DNAH11: variants seen among roughly 807,000 people sequenced by gnomAD.
DNAH11 encodes the protein dynein axonemal heavy chain 11, also known as axonemal beta dynein heavy chain 11.
DNAH11 carries 442 observed loss-of-function variants against 526.0 expected under a neutral mutation model. That is an observed-to-expected ratio of 0.84 (90% CI 0.78 to 0.91). DNAH11 has a LOEUF of 0.91. DNAH11 is among the 40% of genes least tolerant of loss of function. The pLI, the probability that DNAH11 is intolerant of heterozygous loss-of-function variation, is 0.00. For synonymous variants in DNAH11, 2,461 were observed against 1,935.9 expected, an observed-to-expected ratio of 1.27 and a Z score of -7.12; for missense variants, 6,989 against 5,448.7, an observed-to-expected ratio of 1.28 and a Z score of -8.90.
In DNAH11 at chr7:21,588,077, T is replaced by G; in HGVS notation, c.1724T>G (p.Phe575Cys). 1 of 1,613,174 alleles carries G rather than the reference T, an allele frequency of 6.2e-7. No homozygotes were observed. Among genetic ancestry groups the G allele is most frequent in the Non-Finnish European group, 8.5e-7 (1 of 1,179,614 alleles). Residue 575 changes from phenylalanine to cysteine, a missense_variant, in exon 10 of 82, where the codon TTT (phenylalanine) becomes TGT (cysteine). Coordinates refer to ENST00000409508, the MANE Select transcript of DNAH11 (RefSeq NM_001277115.2). ...TGATTTTTATAGCTTTTGACCATAT[T>G]TGGAAATTTTCTAGAGAAGCCAGTT... The part of the protein sequence containing the change: ...LEAAFKLLTI[F>C]GNFLEKPVVM...
intron 26 of DNAH11, among the ~76,000 whole-genome samples, chr7:21,636,572 T>TA (rs1290271273): frequency 6.6e-6 from 1 of 152,052 alleles, no homozygotes; most frequent in African/African-American, 2.4e-5. Flanking sequence ...CCTTCTCTAC[T>TA]AAAAAATTTT....
At position 21,691,029 on chromosome 7, in the gene DNAH11, T is replaced by G. The variant is rs7790948; in HGVS notation, c.6041+148T>G. 0.18 allele frequency: 105,024 copies of G among 598,732 alleles called. 11,210 individuals carry two copies. Among genetic ancestry groups the G allele is most frequent in the East Asian group, 0.37 (11,797 of 31,510 alleles). The allele number at this position is 598,732 out of a possible 1,614,324, so 37.1% of individuals were successfully genotyped here. On this transcript the variant is annotated intron_variant, in intron 35 of 81. Coordinates refer to ENST00000409508, the MANE Select transcript of DNAH11 (RefSeq NM_001277115.2). ...TTGGGCTCCTTTTATAGACAGAACT[T>G]TCACCATGATAAATTAACCCTTTTG...
At chr7:21,814,353 T>A (rs532671987) in intron 63 of DNAH11, among the ~76,000 whole-genome samples, 459 of 28,336 alleles carry the variant, frequency 0.016, no homozygotes, top group African/African-American at 0.099. Flanking sequence ...TTATTTATTT[T>A]TTTTTTATTT....
intron 56 of DNAH11, among the ~76,000 whole-genome samples, chr7:21,777,844 A>G (rs1228594536): frequency 1.3e-5 from 2 of 152,224 alleles, no homozygotes; most frequent in Non-Finnish European, 2.9e-5. Flanking sequence ...GAGTGTGAAT[A>G]TACTGTGTTG....
intron 73 of DNAH11, among the ~76,000 whole-genome samples, chr7:21,871,420 T>G (rs1783490929): frequency 6.6e-6 from 1 of 152,218 alleles, no homozygotes; most frequent in Non-Finnish European, 1.5e-5. Context: ...CAAGCTAGAT[T>G]CCAAAGTGTG....
At chr7:21,662,817 A>G (rs1364524322) in intron 30 of DNAH11, among the ~76,000 whole-genome samples, 1 of 152,102 alleles carries the variant, frequency 6.6e-6, no homozygotes, top group Non-Finnish European at 1.5e-5. Context: ...GGACTTTTTC[A>G]TTTAAAATTT....
chr7:21,559,887 T>C, intron 4 of DNAH11, 95 bp downstream of exon 4: 1 of 1,045,606 alleles, frequency 9.6e-7, no homozygotes, highest in Non-Finnish European at 1.4e-6. Context: ...ACTGTCTTTG[T>C]ATAATTTACT....
At chr7:21,666,193 GTGAT>G (rs1782415125) in intron 30 of DNAH11, among the ~76,000 whole-genome samples, 1 of 152,038 alleles carries the variant, frequency 6.6e-6, no homozygotes, top group South Asian at 2.1e-4. Flanking sequence ...TGGATCTATG[GTGAT>G]TGCATATTAG....
chr7:21,780,199 C>G (rs1338801397), intron 57 of DNAH11, among the ~76,000 whole-genome samples: 1 of 152,030 alleles, frequency 6.6e-6, no homozygotes, highest in Non-Finnish European at 1.5e-5. Flanking sequence ...CATGTAATTC[C>G]TAATTTGGGT....
intron 8 of DNAH11, among the ~76,000 whole-genome samples, chr7:21,574,301 C>T (rs1340038083): frequency 6.6e-6 from 1 of 152,168 alleles, no homozygotes; most frequent in African/African-American, 2.4e-5. Context: ...CCCCTTGGCT[C>T]CACTTAGTCT....
At chr7:21,618,010 T>C (rs1459115794) in intron 23 of DNAH11, among the ~76,000 whole-genome samples, 1 of 152,172 alleles carries the variant, frequency 6.6e-6, no homozygotes, top group Non-Finnish European at 1.5e-5. Context: ...GAGGCTGGCT[T>C]CCATCTCCAT....
At chr7:21,868,453 C>G (rs1038802780) in intron 72 of DNAH11, among the ~76,000 whole-genome samples, 7 of 151,908 alleles carry the variant, frequency 4.6e-5, no homozygotes, top group Non-Finnish European at 1.0e-4. Flanking sequence ...TAAATGCAGT[C>G]TCACAAGGTG....
chr7:21,706,984 T>C (rs2072165637), intron 39 of DNAH11, among the ~76,000 whole-genome samples: 1 of 152,184 alleles, frequency 6.6e-6, no homozygotes, highest in Non-Finnish European at 1.5e-5. Flanking sequence ...AGGATCAGGG[T>C]TTGTCAACCT....
intron 20 of DNAH11, among the ~76,000 whole-genome samples, chr7:21,611,651 T>C (rs539583895): frequency 6.6e-6 from 1 of 152,274 alleles, no homozygotes; most frequent in South Asian, 2.1e-4. Flanking sequence ...CAAAAATATT[T>C]TCAAAGCAAC....
chr7:21,579,275 T>C (rs934150852), intron 8 of DNAH11, among the ~76,000 whole-genome samples: 15 of 152,250 alleles, frequency 9.9e-5, no homozygotes, highest in African/African-American at 3.6e-4. Flanking sequence ...ACATCATTTA[T>C]TCTGTAATAT....
intron 66 of DNAH11, among the ~76,000 whole-genome samples, chr7:21,848,960 A>C (rs1420418809): frequency 6.6e-6 from 1 of 152,162 alleles, no homozygotes; most frequent in Non-Finnish European, 1.5e-5. Context: ...ATCTCGGCTC[A>C]CTGCAACCTC....
chr7:21,568,346 G>C (rs1583488275), intron 6 of DNAH11, among the ~76,000 whole-genome samples: 1 of 152,110 alleles, frequency 6.6e-6, no homozygotes, highest in Admixed American at 6.6e-5. Flanking sequence ...GTGAGAGGTA[G>C]AAAAGAATTT....
At chr7:21,606,838 A>C (rs887284030) in intron 20 of DNAH11, 105 bp downstream of exon 20, 7 of 1,028,594 alleles carry the variant, frequency 6.8e-6, no homozygotes, top group Non-Finnish European at 1.0e-5. Flanking sequence ...TTGCTGTTAT[A>C]GGAATTGATT....
At position 21,732,706 on chromosome 7, in the gene DNAH11, C is replaced by T. The variant is rs1785434181; in HGVS notation, c.7441-2934C>T. Among the ~76,000 whole-genome samples, 3 of 152,218 alleles carry T rather than the reference C, an allele frequency of 2.0e-5. No individual in the cohort carries two copies. In the South Asian group the frequency reaches 6.2e-4, roughly 32 times the overall value. On this transcript the variant is annotated intron_variant, in intron 45 of 81. Coordinates refer to ENST00000409508, the MANE Select transcript of DNAH11 (RefSeq NM_001277115.2). Reference sequence around the variant, plus strand: ...GATTAATTCTGTGACCTGGTGGAATCACCAAGGATTGTGATCATCCCATCT... The same window carrying T: ...GATTAATTCTGTGACCTGGTGGAATTACCAAGGATTGTGATCATCCCATCT...
Sources: gnomAD v4.1 joint callset for allele counts (sites outside exome capture counted in the v4.1 genomes callset) on GRCh38, gnomAD v4.1.1 for gene constraint, MANE v1.5 for transcripts, NCBI Gene and HGNC (gene_info 2026-07-23, HGNC 2026-07-21) for gene names.